ACTN1: variants seen among roughly 807,000 people sequenced by gnomAD.
ACTN1 encodes actinin alpha 1.
ACTN1 carries 30 observed loss-of-function variants against 119.6 expected under a neutral mutation model. The observed-to-expected ratio is 0.25, with a 90% CI of 0.19 to 0.34. The LOEUF (loss-of-function observed/expected upper bound fraction) is 0.34. ACTN1 is among the 10% of genes least tolerant of loss of function. The pLI, the probability that ACTN1 is intolerant of heterozygous loss-of-function variation, is 1.00. For synonymous variants in ACTN1, 429 were observed against 472.6 expected (o/e 0.91, Z 1.20); for missense variants, 764 against 1,223.4 (o/e 0.62, Z 5.60).
chr14:68,884,084 G>A lies in ACTN1; in HGVS notation c.1635+84C>T, dbSNP rs79421931. On this transcript the variant is annotated intron_variant, in intron 14 of 21. Transcript: ENST00000394419. ...AATCCTTAGGATGCTCTTCCTCAGG[G>A]GGCAGTCCTGCAAAAGTGACCCACA... is the stretch of plus-strand genomic sequence containing the variant. The A allele has an allele frequency of 1.8e-3, 2,531 of 1,388,810 alleles. 38 individuals carry two copies. In the African/African-American group the frequency reaches 0.033, roughly 18 times the overall value. The allele number at this position is 1,388,810 out of a possible 1,614,324, so 86.0% of individuals were successfully genotyped here.
At position 68,925,785 on chromosome 14, in the gene ACTN1, T is replaced by A; in HGVS notation, c.106-113A>T. On this transcript the variant is annotated intron_variant, in intron 1 of 21. Coordinates refer to ENST00000394419, the MANE Select transcript of ACTN1 (RefSeq NM_001130004.2). This position sits in a 1 kb window ranked among gnomAD's most constrained non-coding sequence, Gnocchi z 4.3. ...AGGTGGACACCTACTCAGCAGAGCC[T>A]CTCAACACAGTTGCCCCACCATGGT... is the stretch of plus-strand genomic sequence containing the variant. 2.7e-6 allele frequency: 2 copies of A among 727,426 alleles called. No individual in the cohort carries two copies. The highest frequency in any genetic ancestry group is 2.7e-4 in the Middle Eastern group (1 of 3,726). The allele number at this position is 727,426 out of a possible 1,614,324, so 45.1% of individuals were successfully genotyped here.
intron 8 of ACTN1, among the ~76,000 whole-genome samples, chr14:68,898,711 C>G (rs72733518): frequency 1.3e-5 from 2 of 151,996 alleles, no homozygotes; most frequent in Non-Finnish European, 2.9e-5. Flanking sequence ...GGTCAGACCC[C>G]TGACCAGGAC....
Position 68,884,237 on chromosome 14 carries a change from G to A in ACTN1, c.1566C>T (p.Asn522=). The A allele has an allele frequency of 1.2e-6, 2 of 1,614,130 alleles. No homozygotes were observed. Among genetic ancestry groups the A allele is most frequent in the African/African-American group, 2.7e-5 (2 of 75,018 alleles). ...CCTCCATGGCCCCCTCCATCCAGTTGTTGAAGGGTGCAGCCCGCTTGGCAT... is the reference window on the plus strand; with the variant it reads ...CCTCCATGGCCCCCTCCATCCAGTTATTGAAGGGTGCAGCCCGCTTGGCAT... ...LEYAKRAAPF[N]NWMEGAMEDL... is the part of the protein sequence containing the mutation. Residue 522 remains asparagine, a synonymous_variant, in exon 14 of 22, where the codon AAC becomes AAT. Coordinates refer to ENST00000394419, the MANE Select transcript of ACTN1 (RefSeq NM_001130004.2).
chr14:68,905,581 A>C (rs1218692300), intron 6 of ACTN1, among the ~76,000 whole-genome samples: 1 of 152,220 alleles, frequency 6.6e-6, no homozygotes, highest in African/African-American at 2.4e-5. Flanking sequence ...CGGATGAGCA[A>C]AACGTGGTGA....
At chr14:68,893,878 G>A in intron 8 of ACTN1, 131 bp from the exon 9 acceptor site, 1 of 783,926 alleles carries the variant, frequency 1.3e-6, no homozygotes, top group South Asian at 1.7e-5. Flanking sequence ...AGAAGGCTGT[G>A]AGGTCACATT....
rs1382615232 is a variant in ACTN1 at position 68,879,145 on chromosome 14, G to A, written c.2281-76C>T. The A allele has an allele frequency of 2.1e-6, 3 of 1,434,908 alleles. No individual in the cohort carries two copies. The highest frequency in any genetic ancestry group is 4.7e-5 in the East Asian group (2 of 42,400). The allele number at this position is 1,434,908 out of a possible 1,614,324, so 88.9% of individuals were successfully genotyped here. On this transcript the variant is annotated intron_variant, in intron 18 of 21. Transcript: ENST00000394419. This position sits in a 1 kb window ranked among gnomAD's most constrained non-coding sequence, Gnocchi z 4.9. Reference sequence around the variant, plus strand: ...AGCCGTGAGGGGGGCATGCCCCGGGGGAGGGTGGCGTGTGTGGGGAGACAC... The same window carrying A: ...AGCCGTGAGGGGGGCATGCCCCGGGAGAGGGTGGCGTGTGTGGGGAGACAC...
At chr14:68,923,462 T>A (rs2034757916) in intron 2 of ACTN1, among the ~76,000 whole-genome samples, 1 of 152,032 alleles carries the variant, frequency 6.6e-6, no homozygotes, top group Non-Finnish European at 1.5e-5. Context: ...AAGGCCAGAT[T>A]TGTTTAAAAC....
At chr14:68,891,944 C>A in intron 10 of ACTN1, 109 bp downstream of exon 10, 1 of 1,357,320 alleles carries the variant, frequency 7.4e-7, no homozygotes, top group East Asian at 2.5e-5. Context: ...TAGGTAGAAG[C>A]AAACACGCCC....
chr14:68,946,501 G>C (rs971045949), intron 1 of ACTN1, among the ~76,000 whole-genome samples: 1 of 152,134 alleles, frequency 6.6e-6, no homozygotes, highest in Non-Finnish European at 1.5e-5. Context: ...AGGAAGAGGG[G>C]AGAAGTGGCA....
chr14:68,952,442 A>G (rs1381821796), intron 1 of ACTN1, among the ~76,000 whole-genome samples: 1 of 152,260 alleles, frequency 6.6e-6, no homozygotes. Flanking sequence ...GAAAGCAAAC[A>G]TCTGGCTTTA....
intron 14 of ACTN1, 30 bp from the exon 15 acceptor site, chr14:68,883,085 A>G: frequency 6.2e-7 from 1 of 1,609,144 alleles, no homozygotes; most frequent in Non-Finnish European, 8.5e-7. Flanking sequence ...TGTGGGCAAG[A>G]GGAACAAAGG....
At chr14:68,978,224 G>A (rs1030415124) in intron 1 of ACTN1, 6 of 456,074 alleles carry the variant, frequency 1.3e-5, no homozygotes, top group Non-Finnish European at 2.2e-5. Flanking sequence ...CACCTTTCCC[G>A]GGGGTCGGAG....
At chr14:68,975,749 G>A (rs2037038785) in intron 1 of ACTN1, among the ~76,000 whole-genome samples, 1 of 152,194 alleles carries the variant, frequency 6.6e-6, no homozygotes, top group Non-Finnish European at 1.5e-5. Flanking sequence ...GCTCTGTCTG[G>A]AAGATAACTG....
At chr14:68,929,180 G>T (rs1348158614) in intron 1 of ACTN1, among the ~76,000 whole-genome samples, 3 of 152,110 alleles carry the variant, frequency 2.0e-5, no homozygotes, top group East Asian at 3.9e-4. Context: ...CGCAGAGGAG[G>T]TCTGACAGCT....
chr14:68,875,874 C>T (rs903359799), intron 21 of ACTN1, among the ~76,000 whole-genome samples: 2 of 152,254 alleles, frequency 1.3e-5, no homozygotes, highest in African/African-American at 4.8e-5. Flanking sequence ...ATGCAAATAA[C>T]GTTGTTCTTG....
Position 68,912,231 on chromosome 14 carries a change from C to T in ACTN1, c.352G>A (p.Gly118Arg). The stretch of plus-strand genomic sequence containing the variant: ...ATGCCCAGGGTCATCTTCACATTCC[C>T]ATCCACGATTTCTACAGAAACAGCA... ...VSIGAEEIVD[G>R]NVKMTLGMIW... Residue 118 changes from glycine to arginine, a missense_variant, in exon 4 of 22, where the codon GGG becomes AGG. Physicochemically the swap from Gly to Arg is moderately radical, Grantham distance 125. Around this residue, in one of 4 missense-constraint regions of ACTN1, gnomAD observed 54 missense variants for 153.2 expected, o/e 0.35. Transcript: ENST00000394419. 1 of 1,614,152 alleles carries T rather than the reference C, an allele frequency of 6.2e-7. No individual in the cohort carries two copies. The highest frequency in any genetic ancestry group is 8.5e-7 in the Non-Finnish European group (1 of 1,180,000).
At chr14:68,918,219 T>A (rs2034423032) in intron 3 of ACTN1, among the ~76,000 whole-genome samples, 1 of 152,192 alleles carries the variant, frequency 6.6e-6, no homozygotes, top group Admixed American at 6.5e-5. Flanking sequence ...TTCCTCTCAC[T>A]CCTCACCCCT....
intron 1 of ACTN1, among the ~76,000 whole-genome samples, chr14:68,933,186 T>G (rs2035312597): frequency 6.6e-6 from 1 of 152,124 alleles, no homozygotes; most frequent in South Asian, 2.1e-4. Flanking sequence ...CTGGCTGGAG[T>G]GCAGTGGTGC....
chr14:68,912,246 C>T lies in ACTN1; in HGVS notation c.341-4G>A, dbSNP rs1450973721. 13 of 1,613,608 alleles carry T rather than the reference C, an allele frequency of 8.1e-6. No individual in the cohort carries two copies. Among genetic ancestry groups the T allele is most frequent in the Non-Finnish European group, 1.1e-5 (13 of 1,179,516 alleles). On this transcript the variant is annotated splice_polypyrimidine_tract_variant and splice_region_variant and intron_variant, in intron 3 of 21. Coordinates refer to ENST00000394419, the MANE Select transcript of ACTN1 (RefSeq NM_001130004.2). The stretch of plus-strand genomic sequence containing the variant: ...TTCACATTCCCATCCACGATTTCTA[C>T]AGAAACAGCAGCAGCACACATCAGA...
Sources: allele counts gnomAD v4.1 joint callset (sites outside exome capture counted in the v4.1 genomes callset), GRCh38; gene constraint gnomAD v4.1.1; regional missense constraint gnomAD v4.1.1; non-coding constraint Gnocchi (gnomAD v3.1); transcripts MANE v1.5; gene names NCBI Gene and HGNC (gene_info 2026-07-23, HGNC 2026-07-21).